USH1C: variants seen among roughly 807,000 people sequenced by gnomAD.
USH1C encodes the protein harmonin.
A neutral mutation model predicts 119.3 loss-of-function variants in USH1C; 90 were observed. The ratio of observed to expected loss-of-function variants is 0.75; its 90% CI spans 0.64 to 0.90. The LOEUF (loss-of-function observed/expected upper bound fraction) is 0.90, where lower values mean the gene tolerates loss of function less well. USH1C is among the 40% of genes least tolerant of loss of function. The pLI, the probability that USH1C is intolerant of heterozygous loss-of-function variation, is 0.00. For synonymous variants in USH1C, 465 were observed against 443.3 expected (o/e 1.05, Z -0.62); for missense variants, 1,165 against 1,167.7 (o/e 1.00, Z 0.03).
intron 14 of USH1C, among the ~76,000 whole-genome samples, chr11:17,518,039 T>C (rs141181454): frequency 1.9e-3 from 290 of 152,328 alleles, no homozygotes; most frequent in South Asian, 7.9e-3. Context: ...GAGCAAACCC[T>C]CCATTCCAGA....
chr11:17,524,335 C>T lies in USH1C; in HGVS notation c.759+116G>A, dbSNP rs78163509. 2.7e-3 allele frequency: 3,049 copies of T among 1,138,690 alleles called. 57 individuals are homozygous for T. The African/African-American group carries it at 0.039, about 15-fold the overall frequency. 70.5% of individuals were successfully genotyped at this position (1,138,690 alleles called of 1,614,324 possible). A position where few individuals can be genotyped will look rare whatever the true frequency, so the allele number is the denominator to read the frequency against. On this transcript the variant is annotated intron_variant, in intron 9 of 26. Coordinates refer to ENST00000005226, the MANE Select transcript of USH1C (RefSeq NM_153676.4). ...GCAGGGTGGGTAGGGCTCCTACTCC[C>T]TCAGTGTCCACTGAAAGAGGGCCAT...
At chr11:17,533,233 G>A (rs1376530317) in intron 2 of USH1C, 22 bp downstream of exon 2, 2 of 1,607,190 alleles carry the variant, frequency 1.2e-6, no homozygotes, top group African/African-American at 1.3e-5. Flanking sequence ...TGGCCCACAA[G>A]AGCTGGACCC....
chr11:17,500,945 C>T (rs921323959), intron 23 of USH1C, 106 bp downstream of exon 23: 28 of 928,342 alleles, frequency 3.0e-5, no homozygotes, highest in Non-Finnish European at 4.4e-5. Context: ...GGGCATTCTC[C>T]AGCAACCGTC....
intron 14 of USH1C, among the ~76,000 whole-genome samples, chr11:17,519,609 A>G (rs1485447902): frequency 2.0e-5 from 3 of 152,186 alleles, no homozygotes; most frequent in Non-Finnish European, 2.9e-5. Flanking sequence ...CGTAAGAGCA[A>G]ATTAGCTGTC....
At position 17,501,943 on chromosome 11, in the gene USH1C, G is replaced by A. The variant is rs1591963639; in HGVS notation, c.2222C>T (p.Ser741Phe). The change falls in exon 21 of 27, where the codon TCT (serine) becomes TTT (phenylalanine). Residue 741 changes from serine (S) to phenylalanine (F), a missense_variant. Physicochemically the swap from Ser to Phe is radical, Grantham distance 155. Transcript: ENST00000005226. Reference protein sequence around the residue: ...RKYEEGFDPYSMFTPEQIMGK... With the variant: ...RKYEEGFDPYFMFTPEQIMGK... ...GAGAGAAGCGTCATCTCTTACCATAGAGTAGGGGTCAAAGCCTTCCTCATA... is the reference window on the plus strand; with the variant it reads ...GAGAGAAGCGTCATCTCTTACCATAAAGTAGGGGTCAAAGCCTTCCTCATA... 3 of 1,613,812 alleles carry A rather than the reference G, an allele frequency of 1.9e-6. No homozygotes were observed. Among genetic ancestry groups the A allele is most frequent in the Non-Finnish European group, 2.5e-6 (3 of 1,179,878 alleles).
intron 16 of USH1C, 41 bp downstream of exon 16, chr11:17,511,861 G>A: frequency 6.3e-7 from 1 of 1,597,162 alleles, no homozygotes; most frequent in Non-Finnish European, 8.5e-7. Context: ...ACCACATTGT[G>A]TCCCAGGGTT....
At chr11:17,505,166 G>A (rs1171932986) in intron 19 of USH1C, among the ~76,000 whole-genome samples, 1 of 152,246 alleles carries the variant, frequency 6.6e-6, no homozygotes, top group Non-Finnish European at 1.5e-5. Context: ...GAGACTGGCG[G>A]ACATTTCTCA....
chr11:17,498,072 T>C, intron 24 of USH1C, 90 bp downstream of exon 24: 1 of 1,179,980 alleles, frequency 8.5e-7, no homozygotes, highest in Non-Finnish European at 1.3e-6. Context: ...CACCCTGGAA[T>C]GAGGCATCCT....
intron 4 of USH1C, among the ~76,000 whole-genome samples, chr11:17,530,296 A>G (rs1329838642): frequency 6.6e-6 from 1 of 152,204 alleles, no homozygotes; most frequent in Non-Finnish European, 1.5e-5. Flanking sequence ...AGGTCTGCCC[A>G]TCTCTGCTCA....
Position 17,521,473 on chromosome 11 carries a change from CT to C in USH1C, c.1020-63del, listed in dbSNP as rs910458652. On this transcript the variant is annotated intron_variant, in intron 12 of 26. Coordinates refer to ENST00000005226, the MANE Select transcript of USH1C (RefSeq NM_153676.4). The stretch of plus-strand genomic sequence containing the variant: ...TGCAAGAGAAATGAACTCTTCCTTA[CT>C]GTGAATTCTTGATTTGGAGAAAAGT... 6 of 1,541,780 alleles carry C rather than the reference CT, an allele frequency of 3.9e-6. No homozygotes were observed. The African/African-American group carries it at 8.2e-5, about 21-fold the overall frequency.
At chr11:17,511,583 A>G (rs1381512153) in intron 16 of USH1C, among the ~76,000 whole-genome samples, 1 of 152,116 alleles carries the variant, frequency 6.6e-6, no homozygotes, top group Non-Finnish European at 1.5e-5. Context: ...CTAACCTGAG[A>G]CCTACCATCT....
At chr11:17,501,890 T>C in intron 21 of USH1C, 49 bp downstream of exon 21, 5 of 1,601,044 alleles carry the variant, frequency 3.1e-6, no homozygotes, top group Non-Finnish European at 4.3e-6. Context: ...ACCCCCACAC[T>C]GCCCTGTTCC....
At chr11:17,506,648 A>G (rs1288914974) in intron 18 of USH1C, among the ~76,000 whole-genome samples, 2 of 152,212 alleles carry the variant, frequency 1.3e-5, no homozygotes, top group African/African-American at 2.4e-5. Context: ...GCCTCAAAAA[A>G]TGCCAGGCTT....
chr11:17,527,308 G>T lies in USH1C; in HGVS notation c.411C>A (p.Ile137=). 1 of 1,612,856 alleles carries T rather than the reference G, an allele frequency of 6.2e-7. No individual in the cohort carries two copies. Among genetic ancestry groups the T allele is most frequent in the South Asian group, 1.1e-5 (1 of 91,022 alleles). Reference sequence around the variant, plus strand: ...TACAGGAGGAGATGGAATATCCATTGATCCGGACGATCTCGTCCCCTACCT... The same window carrying T: ...TACAGGAGGAGATGGAATATCCATTTATCCGGACGATCTCGTCCCCTACCT... The part of the protein sequence containing the change: ...GLQVGDEIVR[I]NGYSISSCTH... The change falls in exon 5 of 27, where the codon ATC becomes ATA. Residue 137 remains isoleucine (I), a synonymous_variant. Transcript: ENST00000005226.
At chr11:17,498,037 A>C in intron 24 of USH1C, 125 bp downstream of exon 24, 3 of 785,524 alleles carry the variant, frequency 3.8e-6, no homozygotes, top group Non-Finnish European at 6.6e-6. Context: ...GGTGTCACCA[A>C]AGTGTTGCCT....
chr11:17,517,451 G>A, intron 14 of USH1C: 1 of 1,595,456 alleles, frequency 6.3e-7, no homozygotes, highest in South Asian at 1.1e-5. Flanking sequence ...GCGGGCTCGA[G>A]CTCAGGTTCC....
chr11:17,522,751 C>T (rs374876706), intron 12 of USH1C, 33 bp downstream of exon 12: 96 of 1,612,642 alleles, frequency 6.0e-5, no homozygotes, highest in Middle Eastern at 1.7e-4. Flanking sequence ...GGGTGGGAGG[C>T]GGGACAGGGC....
intron 15 of USH1C, 77 bp from the exon 16 acceptor site, chr11:17,512,131 C>G: frequency 6.7e-7 from 1 of 1,502,120 alleles, no homozygotes; most frequent in Non-Finnish European, 9.2e-7. Context: ...GCATCCAGTC[C>G]TCACATAACA....
At chr11:17,534,750 T>C (rs1851159621) in intron 1 of USH1C, among the ~76,000 whole-genome samples, 1 of 152,006 alleles carries the variant, frequency 6.6e-6, no homozygotes, top group African/African-American at 2.4e-5. Flanking sequence ...GGTATGCCCC[T>C]GTAATCCCAG....
Sources: gnomAD v4.1 joint callset for allele counts (sites outside exome capture counted in the v4.1 genomes callset) on GRCh38, gnomAD v4.1.1 for gene constraint, MANE v1.5 for transcripts, NCBI Gene and HGNC (gene_info 2026-07-23, HGNC 2026-07-21) for gene names.